Variants in EYA3 observed in about 807,000 individuals in gnomAD.
The protein encoded by EYA3 is EYA transcriptional coactivator and phosphatase 3.
Under a neutral mutation model 80.0 loss-of-function variants are expected in EYA3, and 39 were observed. The observed-to-expected ratio is 0.49, with a 90% CI of 0.38 to 0.64. The LOEUF (loss-of-function observed/expected upper bound fraction) is 0.64. Among genes scored for constraint, EYA3 ranks in the 30% least tolerant of loss-of-function variants. EYA3 has a pLI of 0.00. For missense variants in EYA3, 523 were observed against 676.1 expected (o/e 0.77, Z 2.51); for synonymous variants, 206 against 232.8 (o/e 0.88, Z 1.05).
At chr1:28,065,653 T>C (rs549582864) in intron 1 of EYA3, among the ~76,000 whole-genome samples, 2 of 152,188 alleles carry the variant, frequency 1.3e-5, no homozygotes, top group Admixed American at 6.5e-5. Flanking sequence ...CACTTCTCTT[T>C]GGTGTATCTG....
rs1638772331 is a variant in EYA3, at chr1:27,972,565, G to A, written c.*1901C>T. The A allele has an allele frequency of 1.3e-5, 2 of 152,212 alleles. No homozygotes were observed. The highest frequency in any genetic ancestry group is 1.3e-4 in the Admixed American group (2 of 15,282). The allele number at this position is 152,212 out of a possible 1,614,324, so 9.4% of individuals were successfully genotyped here. On this transcript the variant is annotated 3_prime_UTR_variant, in exon 18 of 18. Transcript: ENST00000373871. ...TTGTGCTGCAACATCTCTGGAAATG[G>A]GTATGCAGAATCTCTGGTGACAAGC...
intron 6 of EYA3, 60 bp downstream of exon 6, chr1:28,035,484 C>A (rs1474886337): frequency 1.3e-6 from 2 of 1,584,962 alleles, no homozygotes; most frequent in Non-Finnish European, 1.7e-6. Context: ...CATGGCTGAT[C>A]AAAGTTTCTG....
intron 1 of EYA3, among the ~76,000 whole-genome samples, chr1:28,060,116 T>C (rs1644569126): frequency 6.6e-6 from 1 of 152,210 alleles, no homozygotes; most frequent in Admixed American, 6.5e-5. Context: ...ATCTCTAGTA[T>C]ATTTTCAGCA....
chr1:27,973,243 T>G lies in EYA3; in HGVS notation c.*1223A>C, dbSNP rs1638797067. The G allele has an allele frequency of 6.6e-6, 1 of 152,176 alleles. No individual in the cohort carries two copies. 9.4% of individuals were successfully genotyped at this position (152,176 alleles called of 1,614,324 possible). A position where few individuals can be genotyped will look rare whatever the true frequency, so the allele number is the denominator to read the frequency against. On this transcript the variant is annotated 3_prime_UTR_variant, in exon 18 of 18. Transcript: ENST00000373871. ...AAAGGAAGTCAAATACATTGGCAGTTTTGGCCAAAATGTAGTTATAAGCAT... is the reference window on the plus strand; with the variant it reads ...AAAGGAAGTCAAATACATTGGCAGTGTTGGCCAAAATGTAGTTATAAGCAT...
rs1023725697 is a variant in EYA3 at position 27,974,299 on chromosome 1, G to GAGGA, written c.*163_*166dup. ...AGAGAGAGGCAGAGAGGGAGGGAGA[G>GAGGA]AGGAAGGGAGGGAGGGAGAGAGGGA... On this transcript the variant is annotated 3_prime_UTR_variant, in exon 18 of 18. Coordinates refer to ENST00000373871, the MANE Select transcript of EYA3 (RefSeq NM_001990.4). The GAGGA allele has an allele frequency of 3.4e-4, 162 of 472,090 alleles. 3 individuals are homozygous for GAGGA. The highest frequency in any genetic ancestry group is 2.6e-3 in the South Asian group (89 of 34,060). The allele number at this position is 472,090 out of a possible 1,614,324, so 29.2% of individuals were successfully genotyped here. A position where few individuals can be genotyped will look rare whatever the true frequency, so the allele number is the denominator to read the frequency against.
intron 1 of EYA3, among the ~76,000 whole-genome samples, chr1:28,086,144 G>A (rs972661121): frequency 1.5e-4 from 23 of 151,710 alleles, no homozygotes; most frequent in African/African-American, 5.6e-4. Context: ...ATTAACACTC[G>A]CTACTCTTGA....
At chr1:28,075,768 T>A (rs1433651352) in intron 1 of EYA3, among the ~76,000 whole-genome samples, 3 of 152,228 alleles carry the variant, frequency 2.0e-5, no homozygotes, top group East Asian at 3.8e-4. Context: ...TCTGCTACAT[T>A]TCTGAAACTT....
intron 3 of EYA3, 49 bp downstream of exon 3, chr1:28,048,334 A>AG: frequency 1.4e-6 from 2 of 1,462,734 alleles, no homozygotes; most frequent in Admixed American, 2.0e-5. Context: ...TGAAAAAAAA[A>AG]AACAAAACTT....
intron 7 of EYA3, among the ~76,000 whole-genome samples, chr1:28,020,072 C>G (rs910911370): frequency 6.6e-6 from 1 of 152,190 alleles, no homozygotes; most frequent in African/African-American, 2.4e-5. Context: ...GGAAAATGTA[C>G]TCTGATTGAC....
intron 16 of EYA3, among the ~76,000 whole-genome samples, chr1:27,983,847 G>T (rs1639472850): frequency 1.3e-5 from 2 of 152,118 alleles, no homozygotes. Flanking sequence ...TAGAGACAGG[G>T]TTTCACCATG....
intron 1 of EYA3, among the ~76,000 whole-genome samples, chr1:28,083,341 G>A (rs1369600276): frequency 6.6e-6 from 1 of 151,982 alleles, no homozygotes; most frequent in African/African-American, 2.4e-5. Context: ...CCAACATGGT[G>A]AAACCCCATC....
intron 7 of EYA3, among the ~76,000 whole-genome samples, chr1:28,023,325 C>T (rs1419885679): frequency 3.3e-5 from 5 of 152,020 alleles, no homozygotes; most frequent in Admixed American, 6.6e-5. Flanking sequence ...AGATATTCTA[C>T]CCTAAAGAAG....
chr1:27,993,380 T>A lies in EYA3; in HGVS notation c.1303+20A>T, dbSNP rs1409131224. 4 of 1,604,450 alleles carry A rather than the reference T, an allele frequency of 2.5e-6. No homozygotes were observed. Among genetic ancestry groups the A allele is most frequent in the Non-Finnish European group, 3.4e-6 (4 of 1,176,928 alleles). Reference sequence around the variant, plus strand: ...ACCAGGAAGAAACAGAGAATCAGACTGGTTATATGCCACACTTACCACCCA... The same window carrying A: ...ACCAGGAAGAAACAGAGAATCAGACAGGTTATATGCCACACTTACCACCCA... On this transcript the variant is annotated intron_variant, in intron 14 of 17. Transcript: ENST00000373871.
chr1:28,075,152 G>A (rs1420776425), intron 1 of EYA3, among the ~76,000 whole-genome samples: 1 of 152,098 alleles, frequency 6.6e-6, no homozygotes, highest in Non-Finnish European at 1.5e-5. Context: ...AATCAGAACT[G>A]ACAGCTTAGG....
chr1:28,001,452 TATAA>T (rs1273519490), intron 11 of EYA3, among the ~76,000 whole-genome samples: 1 of 144,634 alleles, frequency 6.9e-6, no homozygotes, highest in Non-Finnish European at 1.5e-5. Context: ...TATGTAAATA[TATAA>T]AATTTTTTTT....
intron 5 of EYA3, among the ~76,000 whole-genome samples, chr1:28,037,466 T>C (rs918186575): frequency 3.3e-5 from 5 of 152,242 alleles, no homozygotes. Context: ...AGGTTAGAGT[T>C]GTTACTCAAG....
chr1:28,060,963 G>T (rs1308668654), intron 1 of EYA3, among the ~76,000 whole-genome samples: 4 of 152,180 alleles, frequency 2.6e-5, no homozygotes, highest in Admixed American at 6.5e-5. Flanking sequence ...TCAGTGAGCT[G>T]AGATCGCACC....
At position 27,971,501 on chromosome 1, in the gene EYA3, GGA is replaced by G. The variant is rs1206549538; in HGVS notation, c.*2963_*2964del. 1.3e-5 allele frequency: 2 copies of G among 152,070 alleles called. No homozygotes were observed. The highest frequency in any genetic ancestry group is 2.9e-5 in the Non-Finnish European group (2 of 68,284). 9.4% of individuals were successfully genotyped at this position (152,070 alleles called of 1,614,324 possible). A position where few individuals can be genotyped will look rare whatever the true frequency, so the allele number is the denominator to read the frequency against. ...CTCAGCTAATCAGGAGGCTGAGGTA[GGA>G]GAATCGCTTGAACCTGGGAGGCGGA... On this transcript the variant is annotated 3_prime_UTR_variant, in exon 18 of 18. Coordinates refer to ENST00000373871, the MANE Select transcript of EYA3 (RefSeq NM_001990.4).
At chr1:28,042,458 G>T in intron 4 of EYA3, 113 bp downstream of exon 4, 1 of 814,962 alleles carries the variant, frequency 1.2e-6, no homozygotes, top group Non-Finnish European at 2.0e-6. Flanking sequence ...GGATGGGAGA[G>T]CCTTCAGGAT....
Sources: allele counts gnomAD v4.1 joint callset (sites outside exome capture counted in the v4.1 genomes callset), GRCh38; gene constraint gnomAD v4.1.1; transcripts MANE v1.5; gene names NCBI Gene and HGNC (gene_info 2026-07-23, HGNC 2026-07-21).